C2orf42: variants seen among roughly 807,000 people sequenced by gnomAD.
The protein encoded by C2orf42 is chromosome 2 open reading frame 42, also known as uncharacterized protein C2orf42.
Under a neutral mutation model 58.9 loss-of-function variants are expected in C2orf42, and 44 were observed. The ratio of observed to expected loss-of-function variants is 0.75; its 90% CI spans 0.59 to 0.96. C2orf42 has a LOEUF of 0.96. C2orf42 is among the 40% of genes least tolerant of loss of function. C2orf42 has a pLI of 0.00. For synonymous variants in C2orf42, 239 were observed against 265.4 expected, an observed-to-expected ratio of 0.90 and a Z score of 0.97; for missense variants, 630 against 699.2, an observed-to-expected ratio of 0.90 and a Z score of 1.12.
At position 70,182,786 on chromosome 2, in the gene C2orf42, CT is replaced by C. The variant is rs1674665502; in HGVS notation, c.-133del. The C allele has an allele frequency of 6.6e-6, 1 of 152,136 alleles. No individual in the cohort carries two copies. Among genetic ancestry groups the C allele is most frequent in the Non-Finnish European group, 1.5e-5 (1 of 68,034 alleles). 9.4% of individuals were successfully genotyped at this position (152,136 alleles called of 1,614,324 possible). ...ACGATCATTTGCAGACTAATGATAA[CT>C]GCTTAACCCAAAATCTTCTGAAGTT... On this transcript the variant is annotated 5_prime_UTR_variant, in exon 2 of 10. It removes the in-frame stop codon of an upstream open reading frame in the 5' UTR. Coordinates refer to ENST00000264434, the MANE Select transcript of C2orf42 (RefSeq NM_017880.3).
At chr2:70,174,099 G>T (rs563231339) in intron 5 of C2orf42, among the ~76,000 whole-genome samples, 23 of 152,204 alleles carry the variant, frequency 1.5e-4, no homozygotes, top group South Asian at 8.3e-4. Context: ...CTTGGGGTCA[G>T]GAGTTTGAGA....
intron 1 of C2orf42, among the ~76,000 whole-genome samples, chr2:70,187,891 A>T (rs903035807): frequency 1.3e-5 from 2 of 152,016 alleles, no homozygotes; most frequent in Non-Finnish European, 2.9e-5. Flanking sequence ...GGGTTTCACC[A>T]TGTTGGCCAG....
In C2orf42 at chr2:70,165,106, AG is replaced by A; in HGVS notation, c.1338del (p.Leu447Ter). On this transcript the variant is annotated frameshift_variant, in exon 8 of 10. Coordinates refer to ENST00000264434, the MANE Select transcript of C2orf42 (RefSeq NM_017880.3). LOFTEE classifies it high-confidence loss of function. ...TAAACTCTCACCTCTGGGGTATCTAAGATTTGTTTAACTTGCAGGATATTAG... is the reference window on the plus strand; with the variant it reads ...TAAACTCTCACCTCTGGGGTATCTAAATTTGTTTAACTTGCAGGATATTAG... The part of the protein sequence containing the change: ...HITNILQVKQ[I>X]LDTPEMPLEI... 1.3e-6 allele frequency: 2 copies of A among 1,587,366 alleles called. No homozygotes were observed. The highest frequency in any genetic ancestry group is 1.7e-6 in the Non-Finnish European group (2 of 1,158,610).
intron 4 of C2orf42, among the ~76,000 whole-genome samples, chr2:70,178,064 CAAAA>C (rs869211385): frequency 1.8e-4 from 27 of 152,072 alleles, no homozygotes; most frequent in African/African-American, 6.5e-4. Flanking sequence ...AACAAACAAA[CAAAA>C]AAACACACAA....
At chr2:70,157,980 C>A (rs1399891288) in intron 9 of C2orf42, among the ~76,000 whole-genome samples, 1 of 152,002 alleles carries the variant, frequency 6.6e-6, no homozygotes, top group Non-Finnish European at 1.5e-5. Flanking sequence ...GTGGGCGGAT[C>A]ACCAGACGTC....
chr2:70,159,498 G>C (rs149843838), intron 9 of C2orf42, among the ~76,000 whole-genome samples: 3,705 of 151,060 alleles, frequency 0.025, 157 homozygotes, highest in African/African-American at 0.086. Context: ...TGAGGCAGGG[G>C]AATCGCTTGA....
intron 5 of C2orf42, among the ~76,000 whole-genome samples, chr2:70,170,197 A>T (rs1673712018): frequency 6.7e-6 from 1 of 150,012 alleles, no homozygotes; most frequent in African/African-American, 2.5e-5. Context: ...AAAAAAAAAA[A>T]CTTGAAGCTG....
At chr2:70,151,125 G>C (rs1672284403) in intron 9 of C2orf42, among the ~76,000 whole-genome samples, 1 of 152,204 alleles carries the variant, frequency 6.6e-6, no homozygotes. Context: ...GGCAAGGCGA[G>C]AGGATAGCTT....
At chr2:70,177,978 T>A (rs1456247428) in intron 4 of C2orf42, among the ~76,000 whole-genome samples, 1 of 152,184 alleles carries the variant, frequency 6.6e-6, no homozygotes, top group East Asian at 1.9e-4. Flanking sequence ...AGGTCCAGGC[T>A]GCAGTGAGCC....
Position 70,181,634 on chromosome 2 carries a change from G to A in C2orf42, c.352C>T (p.Pro118Ser). The change falls in exon 3 of 10, where the codon CCC (proline) becomes TCC (serine). Residue 118 changes from proline to serine, a missense_variant. Physicochemically the swap from Pro to Ser is moderately conservative, Grantham distance 74 (BLOSUM62 -1). Coordinates refer to ENST00000264434, the MANE Select transcript of C2orf42 (RefSeq NM_017880.3). ...TQLSSGRCYV[P>S]SCLKAATQGV... is the part of the protein sequence containing the mutation. The stretch of plus-strand genomic sequence containing the variant: ...TGAGTGGCAGCTTTCAGGCATGAGG[G>A]GACATAACACCGTCCAGAGCTCAGC... 6.2e-7 allele frequency: 1 copy of A among 1,614,050 alleles called. No individual in the cohort carries two copies. The highest frequency in any genetic ancestry group is 1.6e-4 in the Middle Eastern group (1 of 6,062).
chr2:70,180,480 C>A (rs184182839), intron 3 of C2orf42, among the ~76,000 whole-genome samples: 1 of 149,482 alleles, frequency 6.7e-6, no homozygotes, highest in African/African-American at 2.5e-5. Context: ...TGGTGGCAGG[C>A]GCCTGTAATC....
At position 70,181,865 on chromosome 2, in the gene C2orf42, T is replaced by C. The variant is rs938178762; in HGVS notation, c.121A>G (p.Ser41Gly). 6.2e-7 allele frequency: 1 copy of C among 1,613,904 alleles called. No homozygotes were observed. Among genetic ancestry groups the C allele is most frequent in the Non-Finnish European group, 8.5e-7 (1 of 1,179,926 alleles). Reference protein sequence around the residue: ...CGTYNGTRGLSCKNKTCGTIF... With the variant: ...CGTYNGTRGLGCKNKTCGTIF... ...GTTCCACATGTCTTGTTCTTACAGC[T>C]CAGTCCCCGGGTTCCATTGTATGTG... The change falls in exon 3 of 10, where the codon AGC becomes GGC. Residue 41 changes from serine to glycine, a missense_variant. Transcript: ENST00000264434.
chr2:70,165,701 A>G, intron 6 of C2orf42, 66 bp from the exon 7 acceptor site: 1 of 855,036 alleles, frequency 1.2e-6, no homozygotes, highest in Non-Finnish European at 2.0e-6. Flanking sequence ...GTACAGGGAG[A>G]GGTGAAAGAA....
At chr2:70,158,171 C>A (rs1047045290) in intron 9 of C2orf42, among the ~76,000 whole-genome samples, 7 of 150,698 alleles carry the variant, frequency 4.6e-5, no homozygotes, top group Non-Finnish European at 8.8e-5. Flanking sequence ...TGCACTCCAG[C>A]CTGAGCGACA....
intron 6 of C2orf42, among the ~76,000 whole-genome samples, chr2:70,166,559 C>T (rs1673420393): frequency 6.6e-6 from 1 of 150,458 alleles, no homozygotes; most frequent in East Asian, 2.0e-4. Flanking sequence ...GCCTGTAATT[C>T]CAGCTACTCA....
intron 6 of C2orf42, among the ~76,000 whole-genome samples, chr2:70,168,304 T>C (rs1443073671): frequency 1.3e-5 from 2 of 148,978 alleles, no homozygotes. Flanking sequence ...TTTTTTTTTT[T>C]TGAGATGGAG....
Position 70,181,671 on chromosome 2 carries a change from C to T in C2orf42, c.315G>A (p.Thr105=), listed in dbSNP as rs781449735. The change falls in exon 3 of 10, where the codon ACG becomes ACA. Residue 105 remains threonine, a synonymous_variant. Coordinates refer to ENST00000264434, the MANE Select transcript of C2orf42 (RefSeq NM_017880.3). ...GTCCAGAGCTCAGCTGAGTGATGAT[C>T]GTCCCATCCACTGTCTGGATTGTTG... The part of the protein sequence containing the change: ...SETTIQTVDG[T]IITQLSSGRC... The T allele has an allele frequency of 1.1e-5, 18 of 1,614,018 alleles. No individual in the cohort carries two copies. Among genetic ancestry groups the T allele is most frequent in the Middle Eastern group, 1.6e-4 (1 of 6,084 alleles).
Position 70,189,440 on chromosome 2 carries a change from G to A in C2orf42, c.-282+1533C>T, listed in dbSNP as rs574407197. 4.9e-5 allele frequency among the ~76,000 whole-genome samples: 7 copies of A among 142,660 alleles called. No individual in the cohort carries two copies. In the South Asian group the frequency reaches 1.1e-3, roughly 22 times the overall value. 93.6% of individuals were successfully genotyped at this position (142,660 alleles called of 152,430 possible). A position where few individuals can be genotyped will look rare whatever the true frequency, so the allele number is the denominator to read the frequency against. Reference sequence around the variant, plus strand: ...AAAAAAAAAAAAAAAAAAATGGGCCGGGCGCGGTGGCTCACGCCTGTAATC... The same window carrying A: ...AAAAAAAAAAAAAAAAAAATGGGCCAGGCGCGGTGGCTCACGCCTGTAATC... On this transcript the variant is annotated intron_variant, in intron 1 of 9. Transcript: ENST00000264434.
intron 6 of C2orf42, among the ~76,000 whole-genome samples, chr2:70,167,357 CAAA>C (rs1039619852): frequency 9.7e-6 from 1 of 103,036 alleles, no homozygotes. Context: ...GACTCTGTCT[CAAA>C]AAAAAAAAAA....
Sources: allele counts gnomAD v4.1 joint callset (sites outside exome capture counted in the v4.1 genomes callset), GRCh38; gene constraint gnomAD v4.1.1; transcripts MANE v1.5; gene names NCBI Gene and HGNC (gene_info 2026-07-23, HGNC 2026-07-21).